The following SPOCK3 variants were observed in gnomAD, a reference collection of about 807,000 sequenced individuals.
SPOCK3 encodes the protein SPARC (osteonectin), cwcv and kazal like domains proteoglycan 3.
Under a neutral mutation model 56.6 loss-of-function variants are expected in SPOCK3, and 30 were observed. The observed-to-expected ratio is 0.53, with a 90% CI of 0.40 to 0.72. The LOEUF (loss-of-function observed/expected upper bound fraction) is 0.72, where lower values mean the gene tolerates loss of function less well. Ranked by LOEUF, SPOCK3 falls within the 30% of genes least tolerant of loss-of-function variation. The probability of loss-of-function intolerance (pLI) is 0.00; values close to 1 mark genes in which losing one functional copy is unlikely to be tolerated. For missense variants in SPOCK3, 527 were observed against 530.0 expected (o/e 0.99, Z 0.06); for synonymous variants, 196 against 183.3 (o/e 1.07, Z -0.56).
At chr4:166,942,321 C>T (rs1370834745) in intron 4 of SPOCK3, among the ~76,000 whole-genome samples, 1 of 151,642 alleles carries the variant, frequency 6.6e-6, no homozygotes, top group African/African-American at 2.4e-5. Flanking sequence ...AGTGATTTTC[C>T]AGCCTCAGCC....
chr4:166,989,115 T>C (rs566765000), intron 4 of SPOCK3, among the ~76,000 whole-genome samples: 1 of 152,190 alleles, frequency 6.6e-6, no homozygotes, highest in African/African-American at 2.4e-5. Flanking sequence ...TAGCTGTTTA[T>C]ATTTTGTCAC....
chr4:166,800,183 G>GAAAAAAAAAAAA (rs367811359), intron 6 of SPOCK3, among the ~76,000 whole-genome samples: 9 of 51,778 alleles, frequency 1.7e-4, no homozygotes, highest in African/African-American at 4.7e-4. Context: ...CTCCATCTCA[G>GAAAAAAAAAAAA]AAAAAAAAAA....
intron 2 of SPOCK3, among the ~76,000 whole-genome samples, chr4:167,082,852 G>A (rs1757847108): frequency 6.6e-6 from 1 of 150,670 alleles, no homozygotes; most frequent in South Asian, 2.1e-4. Context: ...AGGGAAGAGG[G>A]AGGGGTGAGA....
At chr4:167,189,159 A>G (rs1732260640) in intron 2 of SPOCK3, among the ~76,000 whole-genome samples, 1 of 146,094 alleles carries the variant, frequency 6.8e-6, no homozygotes, top group Admixed American at 7.0e-5. Flanking sequence ...TCATGAGTCT[A>G]GACAAAGGGC....
chr4:166,916,010 T>C (rs1381959702), intron 4 of SPOCK3, among the ~76,000 whole-genome samples: 1 of 152,076 alleles, frequency 6.6e-6, no homozygotes, highest in Non-Finnish European at 1.5e-5. Context: ...CAGACAATTA[T>C]TTTTTCAAAA....
At chr4:166,801,125 C>T (rs1411237267) in intron 6 of SPOCK3, among the ~76,000 whole-genome samples, 1 of 152,068 alleles carries the variant, frequency 6.6e-6, no homozygotes. Flanking sequence ...TAAGCTACAT[C>T]ATGTAGATTG....
intron 2 of SPOCK3, among the ~76,000 whole-genome samples, chr4:167,123,175 T>A (rs996960885): frequency 6.6e-6 from 1 of 152,030 alleles, no homozygotes; most frequent in East Asian, 1.9e-4. Context: ...AAAAGTTGAA[T>A]AATGTTTAAA....
chr4:166,748,873 A>C (rs1735997078), intron 8 of SPOCK3, among the ~76,000 whole-genome samples: 1 of 138,036 alleles, frequency 7.2e-6, no homozygotes, highest in African/African-American at 3.1e-5. Flanking sequence ...TGCCACCAAC[A>C]GACACAGAAA....
intron 2 of SPOCK3, among the ~76,000 whole-genome samples, chr4:167,226,056 C>G (rs1736564187): frequency 6.6e-6 from 1 of 152,132 alleles, no homozygotes; most frequent in African/African-American, 2.4e-5. Context: ...GAAGTAAATT[C>G]TGATTCTTGC....
chr4:166,911,459 G>T (rs141875310), intron 5 of SPOCK3, among the ~76,000 whole-genome samples: 18 of 152,222 alleles, frequency 1.2e-4, no homozygotes, highest in African/African-American at 4.1e-4. Context: ...CTGAAGAAAG[G>T]TTATTTATAG....
At chr4:167,038,168 C>A (rs1267799298) in intron 3 of SPOCK3, among the ~76,000 whole-genome samples, 2 of 152,086 alleles carry the variant, frequency 1.3e-5, no homozygotes, top group Non-Finnish European at 2.9e-5. Context: ...GAGGAATCCC[C>A]TCTGCTCCTG....
intron 2 of SPOCK3, among the ~76,000 whole-genome samples, chr4:167,165,748 G>C (rs1765702560): frequency 6.6e-6 from 1 of 152,036 alleles, no homozygotes; most frequent in Non-Finnish European, 1.5e-5. Flanking sequence ...TAGTGTGAGA[G>C]AGGCCTGTTG....
At chr4:166,738,134 C>G (rs1216883139) in intron 9 of SPOCK3, among the ~76,000 whole-genome samples, 1 of 152,148 alleles carries the variant, frequency 6.6e-6, no homozygotes, top group East Asian at 1.9e-4. Flanking sequence ...TCTCTCTCCT[C>G]TCTCTTCCAC....
chr4:166,929,413 G>A (rs898110517), intron 4 of SPOCK3, among the ~76,000 whole-genome samples: 3 of 152,092 alleles, frequency 2.0e-5, no homozygotes, highest in Non-Finnish European at 2.9e-5. Flanking sequence ...TCTTGATTGT[G>A]CTCACAATGT....
At chr4:167,115,264 C>A (rs563600729) in intron 2 of SPOCK3, among the ~76,000 whole-genome samples, 1 of 151,110 alleles carries the variant, frequency 6.6e-6, no homozygotes, top group African/African-American at 2.4e-5. Context: ...TAGCTGTGAA[C>A]CAAGGCTGTA....
At chr4:167,084,422 A>G (rs916412806) in intron 2 of SPOCK3, among the ~76,000 whole-genome samples, 1 of 152,066 alleles carries the variant, frequency 6.6e-6, no homozygotes, top group Non-Finnish European at 1.5e-5. Flanking sequence ...TCTGAGAATA[A>G]GTTCACCATT....
intron 7 of SPOCK3, among the ~76,000 whole-genome samples, chr4:166,779,286 A>T (rs1481483467): frequency 1.3e-5 from 2 of 149,844 alleles, no homozygotes; most frequent in Non-Finnish European, 2.9e-5. Flanking sequence ...ACTCATTCTC[A>T]AAAAAAAAGT....
intron 4 of SPOCK3, among the ~76,000 whole-genome samples, chr4:166,935,337 C>A (rs942250588): frequency 1.3e-5 from 2 of 152,160 alleles, no homozygotes; most frequent in African/African-American, 4.8e-5. Flanking sequence ...CGATGTTCTT[C>A]TCAATTGCAG....
chr4:167,182,683 G>A (rs1053401346), intron 2 of SPOCK3, among the ~76,000 whole-genome samples: 60 of 151,882 alleles, frequency 4.0e-4, no homozygotes, highest in African/African-American at 1.4e-3. Context: ...AGGATGGCCC[G>A]CGCGCCACTA....
Sources: gnomAD v4.1 joint callset for allele counts (sites outside exome capture counted in the v4.1 genomes callset) on GRCh38, gnomAD v4.1.1 for gene constraint, MANE v1.5 for transcripts, NCBI Gene and HGNC (gene_info 2026-07-23, HGNC 2026-07-21) for gene names.